MALRD1: variants seen among roughly 807,000 people sequenced by gnomAD.
The protein encoded by MALRD1 is MAM and LDL receptor class A domain containing 1, also known as MAM and LDL-receptor class A domain-containing protein 1.
A neutral mutation model predicts 242.1 loss-of-function variants in MALRD1; 247 were observed. The observed-to-expected ratio is 1.02, with a 90% CI of 0.92 to 1.13. MALRD1 has a LOEUF of 1.13. Ranked by LOEUF, MALRD1 falls within the 50% of genes most tolerant of loss-of-function variation. The pLI, the probability that MALRD1 is intolerant of heterozygous loss-of-function variation, is 0.00. For missense variants in MALRD1, 2,989 were observed against 2,533.1 expected (o/e 1.18, Z -3.86); for synonymous variants, 995 against 866.6 (o/e 1.15, Z -2.60).
rs181334401 is a variant in MALRD1, at chr10:19,302,392, A to G, written c.3419+19211A>G. Among the ~76,000 whole-genome samples, 21 of 151,974 alleles carry G rather than the reference A, an allele frequency of 1.4e-4. No homozygotes were observed. In the East Asian group the frequency reaches 4.1e-3, roughly 30 times the overall value. ...AAAATGTGGCCACTACTCAGTGACCATCATCCTATGAATGGACAAACAAAA... is the reference window on the plus strand; with the variant it reads ...AAAATGTGGCCACTACTCAGTGACCGTCATCCTATGAATGGACAAACAAAA... On this transcript the variant is annotated intron_variant, in intron 21 of 39. Transcript: ENST00000454679.
rs186074122 is a variant in MALRD1 at position 19,385,490 on chromosome 10, A to G, written c.4442-2038A>G. On this transcript the variant is annotated intron_variant, in intron 26 of 39. Transcript: ENST00000454679. Reference sequence around the variant, plus strand: ...TTAGTAGGCTGTAGGAATTTCTAGGAATGTATCCATTTATCCAAGTTATTC... The same window carrying G: ...TTAGTAGGCTGTAGGAATTTCTAGGGATGTATCCATTTATCCAAGTTATTC... Among the ~76,000 whole-genome samples, 30 of 152,134 alleles carry G rather than the reference A, an allele frequency of 2.0e-4. 1 individual carries two copies. In the East Asian group the frequency reaches 5.6e-3, roughly 28 times the overall value.
chr10:19,461,007 G>A (rs1835911225), intron 29 of MALRD1, among the ~76,000 whole-genome samples: 2 of 152,088 alleles, frequency 1.3e-5, no homozygotes, highest in South Asian at 4.1e-4. Context: ...ACAACTTCTG[G>A]TTATAGTAAC....
chr10:19,392,848 A>T (rs1442790084), intron 28 of MALRD1, among the ~76,000 whole-genome samples: 1 of 152,164 alleles, frequency 6.6e-6, no homozygotes, highest in Admixed American at 6.5e-5. Context: ...TTTGTTTGGT[A>T]TGCGATCAGA....
chr10:19,305,023 C>T (rs1293804284), intron 21 of MALRD1, among the ~76,000 whole-genome samples: 1 of 151,678 alleles, frequency 6.6e-6, no homozygotes, highest in Non-Finnish European at 1.5e-5. Flanking sequence ...CTGCTTCTTT[C>T]AGTGGTTCCT....
At chr10:19,613,692 C>G (rs1839004238) in intron 35 of MALRD1, among the ~76,000 whole-genome samples, 1 of 152,072 alleles carries the variant, frequency 6.6e-6, no homozygotes, top group Admixed American at 6.6e-5. Context: ...AAACATGACA[C>G]TTTCCTTTTT....
At chr10:19,477,650 C>T (rs556437248) in intron 29 of MALRD1, among the ~76,000 whole-genome samples, 10 of 152,104 alleles carry the variant, frequency 6.6e-5, no homozygotes, top group African/African-American at 1.9e-4. Flanking sequence ...AAAAGAATAG[C>T]GCTCTTTCTT....
At chr10:19,141,274 C>T (rs1244565255) in intron 10 of MALRD1, among the ~76,000 whole-genome samples, 1 of 152,020 alleles carries the variant, frequency 6.6e-6, no homozygotes, top group Non-Finnish European at 1.5e-5. Context: ...GTGAAATAAG[C>T]CAGAGACAAA....
intron 6 of MALRD1, 148 bp from the exon 7 acceptor site, chr10:19,124,376 T>A: frequency 1.4e-6 from 1 of 700,114 alleles, no homozygotes; most frequent in East Asian, 3.4e-5. Context: ...ACTCGAAGGC[T>A]TATTGAATCC....
chr10:19,688,873 G>C (rs770578612), intron 36 of MALRD1, among the ~76,000 whole-genome samples: 1 of 152,186 alleles, frequency 6.6e-6, no homozygotes, highest in Admixed American at 6.5e-5. Flanking sequence ...ATTCCATGGA[G>C]AAGGTTTAGT....
intron 8 of MALRD1, among the ~76,000 whole-genome samples, chr10:19,128,802 C>T (rs1185893480): frequency 6.6e-6 from 1 of 151,998 alleles, no homozygotes; most frequent in African/African-American, 2.4e-5. Flanking sequence ...ATTTTTAAGA[C>T]TGGTAATTAT....
chr10:19,551,923 C>A (rs1835488430), intron 32 of MALRD1, among the ~76,000 whole-genome samples: 1 of 152,164 alleles, frequency 6.6e-6, no homozygotes, highest in Non-Finnish European at 1.5e-5. Context: ...ACGAACCTTG[C>A]ATCCTAGGGA....
intron 29 of MALRD1, among the ~76,000 whole-genome samples, chr10:19,461,900 AAG>A (rs139856518): frequency 4.3e-4 from 65 of 152,276 alleles, no homozygotes; most frequent in African/African-American, 1.5e-3. Context: ...ACCGTACATA[AAG>A]AAAACATGAC....
chr10:19,095,597 T>G (rs371184650), intron 4 of MALRD1, among the ~76,000 whole-genome samples: 44 of 152,252 alleles, frequency 2.9e-4, no homozygotes, highest in African/African-American at 1.0e-3. Flanking sequence ...GAAGGTTCCC[T>G]ACACCATGTT....
intron 38 of MALRD1, among the ~76,000 whole-genome samples, chr10:19,710,135 G>A (rs2131869815): frequency 6.6e-6 from 1 of 152,012 alleles, no homozygotes; most frequent in East Asian, 1.9e-4. Flanking sequence ...ACAAGCAGAG[G>A]GACTGTGCTC....
chr10:19,423,351 T>C (rs561873642), intron 28 of MALRD1, among the ~76,000 whole-genome samples: 68 of 152,178 alleles, frequency 4.5e-4, no homozygotes, highest in Non-Finnish European at 7.9e-4. Context: ...CTACTATTTT[T>C]AAGGTAGACT....
chr10:19,318,184 G>T (rs1307433479), intron 21 of MALRD1, among the ~76,000 whole-genome samples: 1 of 151,968 alleles, frequency 6.6e-6, no homozygotes, highest in Non-Finnish European at 1.5e-5. Context: ...ATAGGCAAGT[G>T]TTTATGCAAT....
intron 13 of MALRD1, among the ~76,000 whole-genome samples, chr10:19,174,781 T>A (rs1368747645): frequency 6.6e-6 from 1 of 152,064 alleles, no homozygotes; most frequent in African/African-American, 2.4e-5. Context: ...TATGTTTGTA[T>A]GAATGTATAT....
At chr10:19,603,231 T>C (rs939184844) in intron 34 of MALRD1, among the ~76,000 whole-genome samples, 5 of 152,258 alleles carry the variant, frequency 3.3e-5, no homozygotes, top group Admixed American at 6.5e-5. Flanking sequence ...GCTTTTGTTG[T>C]CATTGCTTTT....
chr10:19,179,724 A>T (rs549749247), intron 14 of MALRD1, among the ~76,000 whole-genome samples: 22 of 152,332 alleles, frequency 1.4e-4, no homozygotes, highest in South Asian at 1.0e-3. Context: ...TATTCTTATT[A>T]TCGTAAGCAG....
Sources: gnomAD v4.1 joint callset for allele counts (sites outside exome capture counted in the v4.1 genomes callset) on GRCh38, gnomAD v4.1.1 for gene constraint, MANE v1.5 for transcripts, NCBI Gene and HGNC (gene_info 2026-07-23, HGNC 2026-07-21) for gene names.